The following PTPRD variants were observed in gnomAD, a reference collection of about 807,000 sequenced individuals.
PTPRD encodes the protein protein tyrosine phosphatase receptor type D.
Under a neutral mutation model 214.5 loss-of-function variants are expected in PTPRD, and 34 were observed. The ratio of observed to expected loss-of-function variants is 0.16; its 90% CI spans 0.12 to 0.21. The LOEUF is 0.21. PTPRD is among the 10% of genes least tolerant of loss of function. PTPRD has a pLI of 1.00. For missense variants in PTPRD, 2,545 were observed against 2,398.7 expected (o/e 1.06, Z -1.27); for synonymous variants, 1,128 against 845.7 (o/e 1.33, Z -5.79).
At chr9:10,483,724 G>C (rs1417870729) in intron 2 of PTPRD, among the ~76,000 whole-genome samples, 4 of 152,052 alleles carry the variant, frequency 2.6e-5, no homozygotes, top group Non-Finnish European at 5.9e-5. Flanking sequence ...ACTGCAATGA[G>C]ATATCACCTT....
intron 29 of PTPRD, 43 bp from the exon 30 acceptor site, chr9:8,484,421 G>A (rs1329514615): frequency 6.4e-7 from 1 of 1,566,852 alleles, no homozygotes; most frequent in African/African-American, 1.4e-5. Flanking sequence ...GGTTATCAGA[G>A]AGGCAAAATA....
chr9:9,653,166 C>A (rs1255152768), intron 7 of PTPRD, among the ~76,000 whole-genome samples: 3 of 149,138 alleles, frequency 2.0e-5, no homozygotes, highest in Non-Finnish European at 1.5e-5. Context: ...CAAGGTGAAA[C>A]CCCGTCTCTA....
intron 3 of PTPRD, among the ~76,000 whole-genome samples, chr9:10,048,025 C>T (rs1044428475): frequency 6.6e-6 from 1 of 152,148 alleles, no homozygotes; most frequent in African/African-American, 2.4e-5. Flanking sequence ...TAAGCATTAG[C>T]TGTCTCTGAG....
At chr9:8,494,406 T>C (rs1299728259) in intron 26 of PTPRD, among the ~76,000 whole-genome samples, 1 of 152,212 alleles carries the variant, frequency 6.6e-6, no homozygotes, top group African/African-American at 2.4e-5. Context: ...TCCAGGACCT[T>C]GGAATGGTTT....
chr9:9,676,587 A>G (rs1022943929), intron 7 of PTPRD, among the ~76,000 whole-genome samples: 1 of 152,098 alleles, frequency 6.6e-6, no homozygotes, highest in African/African-American at 2.4e-5. Context: ...CAATAAACAT[A>G]CATGTGCATG....
rs781628679 is a variant in PTPRD, at chr9:9,954,297, C to CAAAAAAAAA, written c.-471-15696_-471-15688dup. Among the ~76,000 whole-genome samples, 46 of 53,776 alleles carry CAAAAAAAAA rather than the reference C, an allele frequency of 8.6e-4. 2 individuals carry two copies. The highest frequency in any genetic ancestry group is 1.8e-3 in the Non-Finnish European group (40 of 22,462). The allele number at this position is 53,776 out of a possible 152,430, so 35.3% of individuals were successfully genotyped here. A position where few individuals can be genotyped will look rare whatever the true frequency, so the allele number is the denominator to read the frequency against. On this transcript the variant is annotated intron_variant, in intron 4 of 45. Transcript: ENST00000381196. ...GACAGATTGAGACTCTGTCTCAAAA[C>CAAAAAAAAA]AAAAAAAAAAAAAAAAAAAAAAAAA... is the stretch of plus-strand genomic sequence containing the variant.
In PTPRD at chr9:10,049,398, T is replaced by TA. The variant is rs754430055; in HGVS notation, c.-544-15609dup. ...TAAAAGGAGAAGCAGCTTCTCTGGT[T>TA]AAAAAAAAAAAAGAAAGAAAGAAAG... On this transcript the variant is annotated intron_variant, in intron 3 of 45. Transcript: ENST00000381196. Among the ~76,000 whole-genome samples, 469 of 68,202 alleles carry TA rather than the reference T, an allele frequency of 6.9e-3. 3 individuals carry two copies. The highest frequency in any genetic ancestry group is 9.0e-3 in the Admixed American group (47 of 5,238). The allele number at this position is 68,202 out of a possible 152,430, so 44.7% of individuals were successfully genotyped here.
intron 8 of PTPRD, among the ~76,000 whole-genome samples, chr9:9,572,796 CA>C (rs1397778199): frequency 6.6e-6 from 1 of 150,974 alleles, no homozygotes; most frequent in Non-Finnish European, 1.5e-5. Context: ...GAAATAAGAG[CA>C]AAAACAAATG....
chr9:8,545,121 G>A (rs548838436), intron 14 of PTPRD, among the ~76,000 whole-genome samples: 71 of 152,170 alleles, frequency 4.7e-4, no homozygotes, highest in African/African-American at 1.7e-3. Context: ...AATGCAGCTA[G>A]TGGTAGATTT....
At chr9:10,606,020 CATA>C (rs1209720903) in intron 2 of PTPRD, among the ~76,000 whole-genome samples, 1 of 151,778 alleles carries the variant, frequency 6.6e-6, no homozygotes, top group Admixed American at 6.6e-5. Flanking sequence ...AAGAGTAGTG[CATA>C]ATGTGAATAT....
rs559731276 is a variant in PTPRD, at chr9:8,650,164, G to C, written c.65-13320C>G. The stretch of plus-strand genomic sequence containing the variant: ...AATTCCTGGGCTCAAGTGATCCTCC[G>C]GCCTCAGTCTCCCAAAGTGCTGGGA... On this transcript the variant is annotated intron_variant, in intron 12 of 45. Transcript: ENST00000381196. Among the ~76,000 whole-genome samples the C allele has an allele frequency of 1.2e-4, 18 of 152,076 alleles. No homozygotes were observed. In the East Asian group the frequency reaches 3.1e-3, roughly 26 times the overall value.
intron 7 of PTPRD, among the ~76,000 whole-genome samples, chr9:9,660,244 C>G (rs1489716212): frequency 6.6e-6 from 1 of 151,880 alleles, no homozygotes; most frequent in Non-Finnish European, 1.5e-5. Context: ...ACATCGGAAG[C>G]CTTTGGAGGT....
chr9:8,753,635 G>T (rs2093723679), intron 11 of PTPRD, among the ~76,000 whole-genome samples: 1 of 152,184 alleles, frequency 6.6e-6, no homozygotes, highest in African/African-American at 2.4e-5. Context: ...AATTTTGCAA[G>T]GCTGCTAAAT....
chr9:10,079,275 C>A (rs2098190982), intron 3 of PTPRD, among the ~76,000 whole-genome samples: 1 of 152,074 alleles, frequency 6.6e-6, no homozygotes, highest in African/African-American at 2.4e-5. Context: ...CGTGCCATTG[C>A]AGCTATTCTG....
chr9:9,565,242 T>C (rs1455068297), intron 8 of PTPRD, among the ~76,000 whole-genome samples: 2 of 151,932 alleles, frequency 1.3e-5, no homozygotes, highest in Non-Finnish European at 2.9e-5. Flanking sequence ...CTTTTTAAGC[T>C]CACTAAACTC....
rs1845393465 is a variant in PTPRD at position 8,335,192 on chromosome 9, C to G, written c.5380-3456G>C. Among the ~76,000 whole-genome samples the G allele has an allele frequency of 3.3e-5, 5 of 151,568 alleles. No homozygotes were observed. In the South Asian group the frequency reaches 1.0e-3, roughly 32 times the overall value. On this transcript the variant is annotated intron_variant, in intron 43 of 45. Transcript: ENST00000381196. ...ATACCAAAACCTGGCAGAGACACAA[C>G]AAAAAAGAAAATTCCAGGCCAATAT...
At chr9:10,567,580 C>T (rs1422155926) in intron 2 of PTPRD, among the ~76,000 whole-genome samples, 1 of 151,934 alleles carries the variant, frequency 6.6e-6, no homozygotes, top group Non-Finnish European at 1.5e-5. Context: ...TCCTTGATAT[C>T]CATGAGTTGG....
At chr9:9,210,671 C>T (rs2099947938) in intron 9 of PTPRD, among the ~76,000 whole-genome samples, 1 of 152,066 alleles carries the variant, frequency 6.6e-6, no homozygotes, top group South Asian at 2.1e-4. Context: ...TGACTTGCCA[C>T]ATGCCACATG....
chr9:8,332,719 C>CTGT (rs1842693136), intron 43 of PTPRD, among the ~76,000 whole-genome samples: 3 of 152,132 alleles, frequency 2.0e-5, no homozygotes, highest in Admixed American at 2.0e-4. Flanking sequence ...AAGGGAGCCT[C>CTGT]TGTTTATAGA....
Sources: gnomAD v4.1 joint callset for allele counts (sites outside exome capture counted in the v4.1 genomes callset) on GRCh38, gnomAD v4.1.1 for gene constraint, MANE v1.5 for transcripts, NCBI Gene and HGNC (gene_info 2026-07-23, HGNC 2026-07-21) for gene names.